Variants in STK31 observed in about 807,000 individuals in gnomAD.
STK31 encodes serine/threonine kinase 31.
Under a neutral mutation model 129.7 loss-of-function variants are expected in STK31, and 89 were observed. That is an observed-to-expected ratio of 0.69 (90% CI 0.58 to 0.82). The LOEUF (loss-of-function observed/expected upper bound fraction) is 0.82, where lower values mean the gene tolerates loss of function less well. STK31 is among the 40% of genes least tolerant of loss of function. The pLI is 0.00. For missense variants in STK31, 1,187 were observed against 1,176.4 expected (o/e 1.01, Z -0.13); for synonymous variants, 448 against 395.3 (o/e 1.13, Z -1.58).
At chr7:23,825,435 A>G (rs189864668) in intron 23 of STK31, among the ~76,000 whole-genome samples, 4 of 152,108 alleles carry the variant, frequency 2.6e-5, no homozygotes, top group African/African-American at 9.7e-5. Context: ...CTGTGGGATC[A>G]CTGGTGATAT....
At chr7:23,730,878 A>ATATATATATATTTTTTTTTTT in intron 6 of STK31, among the ~76,000 whole-genome samples, 1 of 59,554 alleles carries the variant, frequency 1.7e-5, no homozygotes, top group African/African-American at 5.8e-5. Context: ...ATATATATAT[A>ATATATATATATTTTTTTTTTT]TTTTTTTTTT....
chr7:23,772,196 A>G lies in STK31; in HGVS notation c.1883A>G (p.His628Arg). Residue 628 changes from histidine to arginine, a missense_variant, in exon 15 of 24, where the codon CAC becomes CGC. By Grantham distance (29) the His-to-Arg change is conservative. Transcript: ENST00000355870. ...EYLNKSPSVDHLLSIKKTLKS... is the reference protein window; with the variant it reads ...EYLNKSPSVDRLLSIKKTLKS... The stretch of plus-strand genomic sequence containing the variant: ...TTAAATAAGAGTCCCAGTGTGGATC[A>G]CTTGCTATCCATTAAGAAGACATTG... 2 of 1,603,120 alleles carry G rather than the reference A, an allele frequency of 1.2e-6. No homozygotes were observed. Among genetic ancestry groups the G allele is most frequent in the African/African-American group, 1.3e-5 (1 of 74,500 alleles).
intron 10 of STK31, among the ~76,000 whole-genome samples, chr7:23,761,408 C>T (rs975783686): frequency 3.3e-5 from 5 of 149,406 alleles, no homozygotes; most frequent in Non-Finnish European, 5.9e-5. Flanking sequence ...AACTTGATTG[C>T]CATGTGGCCA....
intron 3 of STK31, among the ~76,000 whole-genome samples, chr7:23,716,815 T>TTTC (rs1786352548): frequency 7.6e-6 from 1 of 131,736 alleles, no homozygotes; most frequent in African/African-American, 2.9e-5. Context: ...TTTTTTTTTT[T>TTTC]CAAGACAGGG....
At chr7:23,753,703 CCTA>C (rs1378262791) in intron 9 of STK31, among the ~76,000 whole-genome samples, 1 of 152,122 alleles carries the variant, frequency 6.6e-6, no homozygotes, top group African/African-American at 2.4e-5. Flanking sequence ...TTGATTTAAC[CCTA>C]CTGTCACCCA....
intron 3 of STK31, among the ~76,000 whole-genome samples, chr7:23,714,519 C>T (rs1236725792): frequency 6.6e-6 from 1 of 152,126 alleles, no homozygotes; most frequent in Admixed American, 6.6e-5. Flanking sequence ...TTAATAAGTA[C>T]ATTTTATTTA....
rs779663945 is a variant in STK31 at position 23,788,012 on chromosome 7, G to C, written c.2520G>C (p.Gln840His). ...TAAAGGTCATGAAAGGTGTTGCCCA[G>C]GGTCTGCATACATTGCATAAGGCTG... ...ETLKVMKGVA[Q>H]GLHTLHKADI... The change falls in exon 21 of 24, where the codon CAG (glutamine) becomes CAC (histidine). Residue 840 changes from glutamine (Q) to histidine (H), a missense_variant. By Grantham distance (24) the Gln-to-His change is conservative (BLOSUM62 0). This residue lies in a region of STK31 where 975 missense variants were observed against 934.9 expected (regional missense o/e 1.04). Transcript: ENST00000355870. The C allele has an allele frequency of 2.0e-5, 32 of 1,591,960 alleles. No individual in the cohort carries two copies. Among genetic ancestry groups the C allele is most frequent in the Middle Eastern group, 3.4e-4 (2 of 5,970 alleles).
chr7:23,818,631 C>A (rs1429626583), intron 23 of STK31, among the ~76,000 whole-genome samples: 1 of 143,432 alleles, frequency 7.0e-6, no homozygotes, highest in Admixed American at 6.8e-5. Flanking sequence ...AAAAAAAAAA[C>A]AACAAAAAGC....
chr7:23,719,463 C>G (rs908821437), intron 4 of STK31, among the ~76,000 whole-genome samples: 3 of 152,018 alleles, frequency 2.0e-5, no homozygotes, highest in African/African-American at 4.8e-5. Flanking sequence ...TGATAACTCT[C>G]CACAAGTTTT....
chr7:23,730,874 A>ATT (rs1460221456), intron 6 of STK31, among the ~76,000 whole-genome samples: 38 of 59,716 alleles, frequency 6.4e-4, no homozygotes, highest in Non-Finnish European at 9.0e-4. Flanking sequence ...ATATATATAT[A>ATT]TATATTTTTT....
At chr7:23,811,363 G>T in intron 22 of STK31, 2 of 378,568 alleles carry the variant, frequency 5.3e-6, no homozygotes, top group Non-Finnish European at 1.0e-5. Flanking sequence ...GTTTGCCTTT[G>T]ATTGATTTAA....
chr7:23,756,405 A>G (rs534258022), intron 10 of STK31, among the ~76,000 whole-genome samples: 27 of 152,130 alleles, frequency 1.8e-4, no homozygotes, highest in Non-Finnish European at 3.7e-4. Flanking sequence ...GGGTGAGACG[A>G]TGGGGATTTC....
intron 8 of STK31, among the ~76,000 whole-genome samples, chr7:23,746,606 T>C (rs953924326): frequency 6.6e-6 from 1 of 152,216 alleles, no homozygotes; most frequent in Non-Finnish European, 1.5e-5. Flanking sequence ...GTTATATTTA[T>C]TGTATACTGT....
At position 23,737,043 on chromosome 7, in the gene STK31, G is replaced by T; in HGVS notation, c.982G>T (p.Glu328Ter). 1 of 1,610,828 alleles carries T rather than the reference G, an allele frequency of 6.2e-7. No homozygotes were observed. ...DALLESYKALELKVEQIAQEL... is the reference protein window; with the variant it reads ...DALLESYKAL ...TCTTCTTGAAAGTTATAAGGCGTTA[G>T]AATTGAAAGTAGAGCAGATTGCCCA... Residue 328 changes from glutamate (E) to a stop codon, truncating the protein, a stop_gained, in exon 8 of 24, where the codon GAA becomes TAA. Coordinates refer to ENST00000355870, the MANE Select transcript of STK31 (RefSeq NM_031414.5). LOFTEE classifies it high-confidence loss of function.
intron 8 of STK31, among the ~76,000 whole-genome samples, chr7:23,739,480 A>C (rs890473446): frequency 3.3e-5 from 5 of 152,176 alleles, no homozygotes; most frequent in Non-Finnish European, 5.9e-5. Flanking sequence ...TAGTTTAATT[A>C]GATCCCATTT....
chr7:23,802,517 G>A (rs1792440290), intron 22 of STK31, among the ~76,000 whole-genome samples: 1 of 152,000 alleles, frequency 6.6e-6, no homozygotes, highest in African/African-American at 2.4e-5. Flanking sequence ...AAGCTTTATG[G>A]GGCAGTTTGT....
chr7:23,763,469 A>AT (rs1161000657), intron 11 of STK31, among the ~76,000 whole-genome samples: 1 of 152,194 alleles, frequency 6.6e-6, no homozygotes, highest in East Asian at 1.9e-4. Flanking sequence ...ATTTCACCTA[A>AT]TAATAGTGTT....
intron 23 of STK31, 41 bp downstream of exon 23, chr7:23,815,253 C>T (rs1476606416): frequency 4.5e-6 from 6 of 1,341,376 alleles, no homozygotes; most frequent in Non-Finnish European, 6.1e-6. Flanking sequence ...GAAACACATG[C>T]AGTAATATAA....
chr7:23,823,955 A>G (rs895158802), intron 23 of STK31, among the ~76,000 whole-genome samples: 5 of 152,054 alleles, frequency 3.3e-5, no homozygotes, highest in Admixed American at 6.6e-5. Flanking sequence ...CCATTGGTCT[A>G]TGTCTCTGTT....
Sources: allele counts gnomAD v4.1 joint callset (sites outside exome capture counted in the v4.1 genomes callset), GRCh38; gene constraint gnomAD v4.1.1; regional missense constraint gnomAD v4.1.1; transcripts MANE v1.5; gene names NCBI Gene and HGNC (gene_info 2026-07-23, HGNC 2026-07-21).